The following MUSK variants were observed in gnomAD, a reference collection of about 807,000 sequenced individuals.
The protein encoded by MUSK is muscle associated receptor tyrosine kinase.
Under a neutral mutation model 88.7 loss-of-function variants are expected in MUSK, and 55 were observed. That is an observed-to-expected ratio of 0.62 (90% CI 0.50 to 0.78). The LOEUF is 0.78. Ranked by LOEUF, MUSK falls within the 30% of genes least tolerant of loss-of-function variation. MUSK has a pLI of 0.00. For synonymous variants in MUSK, 387 were observed against 391.9 expected, an observed-to-expected ratio of 0.99 and a Z score of 0.15; for missense variants, 1,015 against 1,074.3, an observed-to-expected ratio of 0.94 and a Z score of 0.77.
At chr9:110,781,739 C>G (rs2077764268) in intron 11 of MUSK, among the ~76,000 whole-genome samples, 1 of 152,182 alleles carries the variant, frequency 6.6e-6, no homozygotes, top group Admixed American at 6.5e-5. Context: ...ATAGACATAG[C>G]TGTCTTCTCC....
intron 5 of MUSK, among the ~76,000 whole-genome samples, chr9:110,697,932 C>T (rs369771552): frequency 6.6e-6 from 1 of 151,038 alleles, no homozygotes; most frequent in African/African-American, 2.4e-5. Context: ...TAACTCAAAT[C>T]GTAAAGCCAA....
chr9:110,761,827 G>A (rs973951938), intron 7 of MUSK: 19 of 577,546 alleles, frequency 3.3e-5, no homozygotes, highest in African/African-American at 4.1e-5. Context: ...GCCCACCTCG[G>A]CCTTCCAAAG....
At chr9:110,691,216 G>T (rs1246524377) in intron 3 of MUSK, among the ~76,000 whole-genome samples, 1 of 152,018 alleles carries the variant, frequency 6.6e-6, no homozygotes, top group Non-Finnish European at 1.5e-5. Context: ...GTCACCCACT[G>T]GAAGTAGTCT....
intron 6 of MUSK, among the ~76,000 whole-genome samples, chr9:110,736,750 T>C: frequency 6.6e-6 from 1 of 152,108 alleles, no homozygotes; most frequent in East Asian, 1.9e-4. Context: ...AGGAACTATT[T>C]TGAGGTCTAG....
chr9:110,722,446 C>G (rs1198965716), intron 5 of MUSK, among the ~76,000 whole-genome samples: 1 of 151,892 alleles, frequency 6.6e-6, no homozygotes, highest in Non-Finnish European at 1.5e-5. Flanking sequence ...AGAGGAATCA[C>G]TTGAAACTGG....
chr9:110,785,880 CTG>C (rs1368936903), intron 13 of MUSK, among the ~76,000 whole-genome samples, 162 bp downstream of exon 13: 9 of 146,742 alleles, frequency 6.1e-5, no homozygotes, highest in African/African-American at 2.3e-4. Flanking sequence ...TATATGTACA[CTG>C]TGTGTGTATA....
intron 1 of MUSK, among the ~76,000 whole-genome samples, chr9:110,679,883 G>A (rs1411415588): frequency 1.3e-5 from 2 of 151,930 alleles, no homozygotes; most frequent in Non-Finnish European, 2.9e-5. Context: ...CCTGAACTTT[G>A]ATCTTATAGT....
chr9:110,762,047 T>C, intron 7 of MUSK, 155 bp from the exon 8 acceptor site: 6 of 771,732 alleles, frequency 7.8e-6, no homozygotes, highest in Non-Finnish European at 9.5e-6. Flanking sequence ...TAATGCAGCA[T>C]CTGGCCTCCT....
intron 14 of MUSK, among the ~76,000 whole-genome samples, chr9:110,790,469 T>C (rs2077954354): frequency 6.6e-6 from 1 of 152,218 alleles, no homozygotes; most frequent in African/African-American, 2.4e-5. Flanking sequence ...GAAAAATTGA[T>C]GACAGGGTTG....
chr9:110,697,210 C>T, intron 4 of MUSK, 115 bp from the exon 5 acceptor site: 1 of 1,152,644 alleles, frequency 8.7e-7, no homozygotes, highest in Non-Finnish European at 1.2e-6. Flanking sequence ...CAATAAAGGT[C>T]AAAGCGATAT....
intron 5 of MUSK, among the ~76,000 whole-genome samples, chr9:110,713,954 A>T (rs1029263815): frequency 1.3e-5 from 2 of 152,176 alleles, no homozygotes; most frequent in Admixed American, 1.3e-4. Context: ...TGAACAGTAC[A>T]TGGAAACCTT....
At chr9:110,781,430 C>A (rs1317102979) in intron 11 of MUSK, among the ~76,000 whole-genome samples, 2 of 152,128 alleles carry the variant, frequency 1.3e-5, no homozygotes, top group South Asian at 2.1e-4. Flanking sequence ...GCGCCCACCA[C>A]CATGCCCAGC....
At chr9:110,702,333 A>AG (rs1274653250) in intron 5 of MUSK, among the ~76,000 whole-genome samples, 1 of 152,152 alleles carries the variant, frequency 6.6e-6, no homozygotes, top group Non-Finnish European at 1.5e-5. Flanking sequence ...AGACCCTTAA[A>AG]GGGGCAGGAG....
chr9:110,692,522 T>C (rs1217022449), intron 3 of MUSK, among the ~76,000 whole-genome samples: 1 of 151,944 alleles, frequency 6.6e-6, no homozygotes, highest in Non-Finnish European at 1.5e-5. Context: ...GAAAGGTACA[T>C]TTTCTCTATT....
At chr9:110,739,038 GCCCAGA>G (rs2077062979) in intron 6 of MUSK, among the ~76,000 whole-genome samples, 1 of 152,170 alleles carries the variant, frequency 6.6e-6, no homozygotes, top group East Asian at 1.9e-4. Flanking sequence ...AACTCTGGAA[GCCCAGA>G]CCATTGGACT....
chr9:110,761,112 T>A (rs2077391549), intron 7 of MUSK, among the ~76,000 whole-genome samples: 2 of 152,192 alleles, frequency 1.3e-5, no homozygotes, highest in African/African-American at 4.8e-5. Context: ...AAGTTTTTAA[T>A]TTACAAGAAA....
intron 1 of MUSK, among the ~76,000 whole-genome samples, chr9:110,678,911 C>T (rs1407231924): frequency 1.3e-5 from 2 of 151,322 alleles, no homozygotes; most frequent in East Asian, 1.9e-4. Flanking sequence ...TTTTTGCTAT[C>T]TTTTTATTGT....
intron 9 of MUSK, among the ~76,000 whole-genome samples, chr9:110,769,047 G>C (rs1382064353): frequency 6.6e-6 from 1 of 152,010 alleles, no homozygotes; most frequent in Non-Finnish European, 1.5e-5. Context: ...GTGTGGTCTT[G>C]GCTAAACTTC....
intron 14 of MUSK, among the ~76,000 whole-genome samples, chr9:110,788,836 C>G (rs1040278313): frequency 1.3e-5 from 2 of 152,000 alleles, no homozygotes; most frequent in Non-Finnish European, 2.9e-5. Context: ...ATATAAAGAC[C>G]TGGCAGAGGC....
Sources: allele counts gnomAD v4.1 joint callset (sites outside exome capture counted in the v4.1 genomes callset), GRCh38; gene constraint gnomAD v4.1.1; transcripts MANE v1.5; gene names NCBI Gene and HGNC (gene_info 2026-07-23, HGNC 2026-07-21).